SUPT3H: variants seen among roughly 807,000 people sequenced by gnomAD.
SUPT3H encodes the protein SPT3 homolog, SAGA and STAGA complex component, also known as transcription initiation protein SPT3 homolog.
A neutral mutation model predicts 44.3 loss-of-function variants in SUPT3H; 44 were observed. That is an observed-to-expected ratio of 0.99 (90% CI 0.78 to 1.28). The LOEUF (loss-of-function observed/expected upper bound fraction) is 1.28. Ranked by LOEUF, SUPT3H falls within the 50% of genes most tolerant of loss-of-function variation. SUPT3H has a pLI of 0.00. For missense variants in SUPT3H, 380 were observed against 387.1 expected, an observed-to-expected ratio of 0.98 and a Z score of 0.15; for synonymous variants, 124 against 125.6, an observed-to-expected ratio of 0.99 and a Z score of 0.09.
intron 2 of SUPT3H, among the ~76,000 whole-genome samples, chr6:45,338,710 G>C (rs1789138644): frequency 6.6e-6 from 1 of 151,986 alleles, no homozygotes; most frequent in African/African-American, 2.4e-5. Context: ...ATTTCGTTTT[G>C]TCATCAATTT....
intron 6 of SUPT3H, among the ~76,000 whole-genome samples, chr6:44,976,078 C>G (rs1004078969): frequency 1.2e-4 from 18 of 152,216 alleles, no homozygotes; most frequent in Admixed American, 1.1e-3. Flanking sequence ...GTTGTTTTCA[C>G]GAATCAGAAA....
At chr6:45,040,888 G>A (rs924459272) in intron 3 of SUPT3H, among the ~76,000 whole-genome samples, 9 of 152,096 alleles carry the variant, frequency 5.9e-5, no homozygotes, top group Non-Finnish European at 1.0e-4. Context: ...TATATGTGAG[G>A]CCAAGTAATT....
At chr6:44,969,660 A>C (rs1375996170) in intron 6 of SUPT3H, among the ~76,000 whole-genome samples, 1 of 152,216 alleles carries the variant, frequency 6.6e-6, no homozygotes, top group East Asian at 1.9e-4. Flanking sequence ...GCAATATTTA[A>C]GGGACCGACT....
At chr6:44,990,915 T>C (rs1780528523) in intron 6 of SUPT3H, among the ~76,000 whole-genome samples, 1 of 151,876 alleles carries the variant, frequency 6.6e-6, no homozygotes. Context: ...TATACTTTTA[T>C]GTAATACAAG....
chr6:44,839,717 T>C (rs1770577615), intron 10 of SUPT3H, among the ~76,000 whole-genome samples: 1 of 152,126 alleles, frequency 6.6e-6, no homozygotes, highest in South Asian at 2.1e-4. Flanking sequence ...TTTTTTCTTT[T>C]TTGAGACGGA....
At chr6:44,974,246 T>G (rs530967501) in intron 6 of SUPT3H, among the ~76,000 whole-genome samples, 3 of 152,072 alleles carry the variant, frequency 2.0e-5, no homozygotes, top group Non-Finnish European at 4.4e-5. Flanking sequence ...TATATACATG[T>G]TTGTATATAT....
chr6:45,026,812 C>T (rs1786079327), intron 3 of SUPT3H, among the ~76,000 whole-genome samples: 1 of 152,000 alleles, frequency 6.6e-6, no homozygotes, highest in Non-Finnish European at 1.5e-5. Context: ...GACCATCTCT[C>T]CTCTTGACTT....
intron 10 of SUPT3H, among the ~76,000 whole-genome samples, chr6:44,884,567 G>C (rs1778816248): frequency 1.3e-5 from 2 of 152,136 alleles, no homozygotes; most frequent in Admixed American, 1.3e-4. Flanking sequence ...ACTCACAATA[G>C]CAAAGACTTG....
intron 2 of SUPT3H, among the ~76,000 whole-genome samples, chr6:45,175,074 T>A (rs1317049594): frequency 6.6e-6 from 1 of 151,136 alleles, no homozygotes; most frequent in Non-Finnish European, 1.5e-5. Flanking sequence ...CTTGTCCACA[T>A]TTTTGCTGAA....
At chr6:45,308,307 T>A (rs918897304) in intron 2 of SUPT3H, among the ~76,000 whole-genome samples, 3 of 152,024 alleles carry the variant, frequency 2.0e-5, no homozygotes, top group Non-Finnish European at 2.9e-5. Context: ...CAGATTCACC[T>A]AAGTTGAAAT....
At chr6:45,323,875 A>C (rs573345194) in intron 2 of SUPT3H, among the ~76,000 whole-genome samples, 6 of 152,198 alleles carry the variant, frequency 3.9e-5, no homozygotes, top group African/African-American at 1.4e-4. Context: ...CATTTACTAT[A>C]TTCTCTAAGT....
At chr6:44,905,473 C>T (rs1297432979) in intron 10 of SUPT3H, among the ~76,000 whole-genome samples, 1 of 150,312 alleles carries the variant, frequency 6.7e-6, no homozygotes, top group African/African-American at 2.5e-5. Flanking sequence ...CAATGAGATA[C>T]CATCTCACAC....
At chr6:44,922,704 T>C (rs992956487) in intron 10 of SUPT3H, among the ~76,000 whole-genome samples, 8 of 152,186 alleles carry the variant, frequency 5.3e-5, no homozygotes, top group Non-Finnish European at 1.2e-4. Context: ...ACTTAAAAAA[T>C]GAAAATAATA....
At chr6:44,872,646 C>A (rs1776589157) in intron 10 of SUPT3H, among the ~76,000 whole-genome samples, 1 of 129,748 alleles carries the variant, frequency 7.7e-6, no homozygotes, top group Non-Finnish European at 1.6e-5. Flanking sequence ...TCAAACATAA[C>A]AATATTAACT....
chr6:45,335,751 A>T (rs1788418809), intron 2 of SUPT3H, among the ~76,000 whole-genome samples: 2 of 151,294 alleles, frequency 1.3e-5, no homozygotes, highest in Non-Finnish European at 3.0e-5. Context: ...AATCTATGAG[A>T]AAACTCCCAT....
At chr6:45,318,113 G>C (rs1413685669) in intron 2 of SUPT3H, among the ~76,000 whole-genome samples, 2 of 151,980 alleles carry the variant, frequency 1.3e-5, no homozygotes, top group Non-Finnish European at 2.9e-5. Flanking sequence ...TGACATACTG[G>C]AAAAGGCAAT....
In SUPT3H at chr6:44,850,060, C is replaced by T. The variant is rs532020573; in HGVS notation, c.913-20203G>A. ...GAGGAGTTGCAGAGTGGATATGAGG[C>T]CAAGAACTGGTCAGAGATGATGACT... On this transcript the variant is annotated intron_variant, in intron 10 of 10. Coordinates refer to ENST00000371459, the MANE Select transcript of SUPT3H (RefSeq NM_003599.4). Among the ~76,000 whole-genome samples, 85 of 152,094 alleles carry T rather than the reference C, an allele frequency of 5.6e-4. No individual in the cohort carries two copies. In the Middle Eastern group the frequency reaches 0.01, roughly 18 times the overall value.
At chr6:45,315,591 C>T (rs1010770646) in intron 2 of SUPT3H, among the ~76,000 whole-genome samples, 3 of 152,162 alleles carry the variant, frequency 2.0e-5, no homozygotes, top group African/African-American at 7.2e-5. Context: ...CACCTTACTC[C>T]TGTAAGAATG....
chr6:45,197,612 G>C (rs1816277885), intron 2 of SUPT3H: 1 of 335,268 alleles, frequency 3.0e-6, no homozygotes, highest in Non-Finnish European at 5.9e-6. Flanking sequence ...CTATGAGAAA[G>C]ACAAAAGTTT....
Sources: allele counts gnomAD v4.1 joint callset (sites outside exome capture counted in the v4.1 genomes callset), GRCh38; gene constraint gnomAD v4.1.1; transcripts MANE v1.5; gene names NCBI Gene and HGNC (gene_info 2026-07-23, HGNC 2026-07-21).